The following AHRR variants were observed in gnomAD, a reference collection of about 807,000 sequenced individuals.
AHRR encodes ahR repressor.
Under a neutral mutation model 44.0 loss-of-function variants are expected in AHRR, and 28 were observed. The observed-to-expected ratio is 0.64, with a 90% confidence interval of 0.47 to 0.87. The LOEUF (loss-of-function observed/expected upper bound fraction) is 0.87, where lower values mean the gene tolerates loss of function less well. AHRR is among the 40% of genes least tolerant of loss of function. AHRR has a pLI of 0.00. For synonymous variants in AHRR, 434 were observed against 407.0 expected (o/e 1.07, Z -0.80); for missense variants, 990 against 953.9 (o/e 1.04, Z -0.50).
chr5:390,065 G>A lies in AHRR; in HGVS notation c.351+13349G>A, dbSNP rs190152758. ...CAGAAAGGACAAAGATGCGCGGGAC[G>A]AAGAAAAGACAGAGGCCGGAAAGGA... On this transcript the variant is annotated intron_variant, in intron 4 of 10. Transcript: ENST00000684583. Among the ~76,000 whole-genome samples, 1,488 of 152,170 alleles carry A rather than the reference G, an allele frequency of 9.8e-3. 15 individuals carry two copies. Among genetic ancestry groups the A allele is most frequent in the Middle Eastern group, 0.031 (9 of 294 alleles).
At chr5:368,714 C>G (rs1743460541) in intron 3 of AHRR, among the ~76,000 whole-genome samples, 1 of 152,228 alleles carries the variant, frequency 6.6e-6, no homozygotes, top group South Asian at 2.1e-4. Context: ...ACCGCAGAGC[C>G]CCCCTGAGGC....
chr5:429,276 CCAGAGA>C (rs1736609480), intron 8 of AHRR, among the ~76,000 whole-genome samples: 1 of 139,762 alleles, frequency 7.2e-6, no homozygotes, highest in African/African-American at 2.6e-5. Flanking sequence ...CGCCAGGATG[CCAGAGA>C]TCCAACTTCC....
Position 434,775 on chromosome 5 carries a change from A to G in AHRR, c.2035A>G (p.Lys679Glu). The change falls in exon 11 of 11, where the codon AAA (lysine) becomes GAA (glutamate). Residue 679 changes from lysine to glutamate, a missense_variant. Physicochemically the swap from Lys to Glu is moderately conservative, Grantham distance 56. Transcript: ENST00000684583. ...GGGAATGGTGCCCGGGATGTTGCCC[A>G]AAAGTGCCTTGGCCACGCTGGTCCC... ...SQGMVPGMLP[K>E]SALATLVPPQ... 1.9e-6 allele frequency: 3 copies of G among 1,559,332 alleles called. No individual in the cohort carries two copies. Among genetic ancestry groups the G allele is most frequent in the Non-Finnish European group, 1.7e-6 (2 of 1,151,354 alleles).
chr5:322,788 A>C (rs904710040), intron 1 of AHRR: 1 of 152,228 alleles, frequency 6.6e-6, no homozygotes, highest in Non-Finnish European at 1.5e-5. Context: ...AAAAGCCACG[A>C]GTAACAAGAA....
intron 4 of AHRR, among the ~76,000 whole-genome samples, chr5:380,022 G>A (rs1199003278): frequency 6.6e-6 from 1 of 152,180 alleles, no homozygotes; most frequent in Admixed American, 6.5e-5. Flanking sequence ...GTGTGAGGTA[G>A]GGGTCAAGAT....
chr5:370,900 C>T lies in AHRR; in HGVS notation c.245-5710C>T, dbSNP rs778954348. On this transcript the variant is annotated intron_variant, in intron 3 of 10. Coordinates refer to ENST00000684583, the MANE Select transcript of AHRR (RefSeq NM_001377236.1). This position sits in a 1 kb window ranked among gnomAD's most constrained non-coding sequence, Gnocchi z 4.5. ...CTGGGCCTGGTGTGGAGCTCTCGGC[C>T]GACCTCGGGCCGGGCTTTACAGGGC... Among the ~76,000 whole-genome samples the T allele has an allele frequency of 1.3e-5, 2 of 151,890 alleles. No homozygotes were observed. Among genetic ancestry groups the T allele is most frequent in the Non-Finnish European group, 1.5e-5 (1 of 67,960 alleles).
chr5:419,347 A>T lies in AHRR; in HGVS notation c.442-3382A>T, dbSNP rs112126699. On this transcript the variant is annotated intron_variant, in intron 5 of 10. Transcript: ENST00000684583. This position sits in a 1 kb window ranked among gnomAD's most constrained non-coding sequence, Gnocchi z 4.4. ...GCCTGGCTAAATTTTGTATTTTTAG[A>T]AGAGACGGGGCTTCACCATGTTGAA... 0.27 allele frequency among the ~76,000 whole-genome samples: 41,594 copies of T among 151,760 alleles called. 6,454 individuals are homozygous for T. Among genetic ancestry groups the T allele is most frequent in the Non-Finnish European group, 0.35 (23,987 of 67,892 alleles).
chr5:376,558 G>T, intron 3 of AHRR, 52 bp from the exon 4 acceptor site: 2 of 223,486 alleles, frequency 8.9e-6, no homozygotes, highest in Non-Finnish European at 1.6e-5. Flanking sequence ...ATGAAGAAGA[G>T]TGGCCAGGCC....
rs192780343 is a variant in AHRR, at chr5:416,940, T to G, written c.441+3507T>G. Among the ~76,000 whole-genome samples the G allele has an allele frequency of 2.2e-3, 330 of 151,642 alleles. 1 individual carries two copies. Among genetic ancestry groups the G allele is most frequent in the Non-Finnish European group, 5.5e-4 (37 of 67,850 alleles). On this transcript the variant is annotated intron_variant, in intron 5 of 10. Coordinates refer to ENST00000684583, the MANE Select transcript of AHRR (RefSeq NM_001377236.1). ...TAGAGAAGGCGGCTTGGTCTTTATG[T>G]GCAGGGCCCGAGTCTAGAGAAGGCC...
At chr5:408,287 G>A (rs939797766) in intron 4 of AHRR, among the ~76,000 whole-genome samples, 1 of 152,218 alleles carries the variant, frequency 6.6e-6, no homozygotes. Flanking sequence ...AACACCTTGA[G>A]TGTTTCCCTA....
intron 2 of AHRR, among the ~76,000 whole-genome samples, chr5:347,241 C>T (rs926904827): frequency 6.6e-6 from 1 of 152,098 alleles, no homozygotes; most frequent in Non-Finnish European, 1.5e-5. Flanking sequence ...ATGTTTTGTG[C>T]CTCTTGATTT....
At chr5:324,650 G>T (rs1040869551) in intron 1 of AHRR, among the ~76,000 whole-genome samples, 4 of 152,024 alleles carry the variant, frequency 2.6e-5, no homozygotes, top group African/African-American at 7.2e-5. Context: ...TTAGCCGGGT[G>T]TGGTGGCCTA....
At chr5:385,566 T>C (rs1004208782) in intron 4 of AHRR, among the ~76,000 whole-genome samples, 1 of 152,222 alleles carries the variant, frequency 6.6e-6, no homozygotes, top group Non-Finnish European at 1.5e-5. Flanking sequence ...TCCACTATCT[T>C]CTGGCCTCTG....
At chr5:344,073 T>C (rs1035585981) in intron 2 of AHRR, 109 bp downstream of exon 2, 1 of 1,234,646 alleles carries the variant, frequency 8.1e-7, no homozygotes, top group African/African-American at 1.6e-5. Flanking sequence ...GAGGAAGGCT[T>C]CGGGAGCCGG....
At chr5:409,893 G>T (rs1193198084) in intron 4 of AHRR, among the ~76,000 whole-genome samples, 1 of 152,100 alleles carries the variant, frequency 6.6e-6, no homozygotes, top group Admixed American at 6.5e-5. Flanking sequence ...TGGAAGCTTT[G>T]TGGCTCTGGG....
rs1290254163 is a variant in AHRR, at chr5:338,615, G to A, written c.-10-5278G>A. On this transcript the variant is annotated intron_variant, in intron 1 of 10. Transcript: ENST00000684583. This position sits in a 1 kb window ranked among gnomAD's most constrained non-coding sequence, Gnocchi z 4.1. ...CCAGCACTCTTGGAGGCCAAGGTGG[G>A]TGAATTGCTTGAACCCAGGAGTTCA... 1.3e-5 allele frequency among the ~76,000 whole-genome samples: 2 copies of A among 152,158 alleles called. No homozygotes were observed. The highest frequency in any genetic ancestry group is 2.9e-5 in the Non-Finnish European group (2 of 68,030).
intron 4 of AHRR, among the ~76,000 whole-genome samples, chr5:379,299 A>C (rs1321799856): frequency 6.6e-6 from 1 of 152,162 alleles, no homozygotes; most frequent in Non-Finnish European, 1.5e-5. Context: ...TTGATGAGGT[A>C]TGGACCAACC....
rs924225388 is a variant in AHRR, at chr5:433,737, C to G, written c.1113-116C>G. 7 of 1,235,816 alleles carry G rather than the reference C, an allele frequency of 5.7e-6. No individual in the cohort carries two copies. The Admixed American group carries it at 2.5e-4, about 45-fold the overall frequency. The allele number at this position is 1,235,816 out of a possible 1,614,324, so 76.6% of individuals were successfully genotyped here. ...GCGCAGTGAGGGGTCGGTGTAGCAG[C>G]CTTGGCAGATTTAGCATCGTCCTGA... On this transcript the variant is annotated intron_variant, in intron 10 of 10. Coordinates refer to ENST00000684583, the MANE Select transcript of AHRR (RefSeq NM_001377236.1).
chr5:413,878 G>T, intron 5 of AHRR, among the ~76,000 whole-genome samples: 1 of 152,212 alleles, frequency 6.6e-6, no homozygotes, highest in South Asian at 2.1e-4. Context: ...GCCCCAGGTG[G>T]ATGACTCCAG....
Sources: allele counts gnomAD v4.1 joint callset (sites outside exome capture counted in the v4.1 genomes callset), GRCh38; gene constraint gnomAD v4.1.1; non-coding constraint Gnocchi (gnomAD v3.1); transcripts MANE v1.5; gene names NCBI Gene and HGNC (gene_info 2026-07-23, HGNC 2026-07-21).